DIP2C: variants seen among roughly 807,000 people sequenced by gnomAD.
DIP2C encodes DIP2 acetate--CoA ligase C (putative).
A neutral mutation model predicts 192.4 loss-of-function variants in DIP2C; 33 were observed. That is an observed-to-expected ratio of 0.17 (90% confidence interval 0.13 to 0.23). The LOEUF (loss-of-function observed/expected upper bound fraction) is 0.23, where lower values mean the gene tolerates loss of function less well. DIP2C is among the 10% of genes least tolerant of loss of function. The probability of loss-of-function intolerance (pLI) is 1.00; values close to 1 mark genes in which losing one functional copy is unlikely to be tolerated. For missense variants in DIP2C, 1,537 were observed against 2,110.1 expected (o/e 0.73, Z 5.32); for synonymous variants, 979 against 864.1 (o/e 1.13, Z -2.33).
chr10:305,646 C>T (rs1305602334), intron 32 of DIP2C, among the ~76,000 whole-genome samples: 2 of 152,164 alleles, frequency 1.3e-5, no homozygotes, highest in Non-Finnish European at 2.9e-5. Context: ...ATTGCTAAAA[C>T]TGTTCCTTTT....
At chr10:544,404 T>C (rs902784283) in intron 1 of DIP2C, among the ~76,000 whole-genome samples, 21 of 152,270 alleles carry the variant, frequency 1.4e-4, no homozygotes, top group African/African-American at 5.1e-4. Context: ...GATTCTTGCA[T>C]AAGATTTTTT....
intron 29 of DIP2C, among the ~76,000 whole-genome samples, chr10:335,772 TCTTTC>T (rs535014415): frequency 8.5e-5 from 13 of 152,248 alleles, no homozygotes; most frequent in Non-Finnish European, 1.8e-4. Context: ...ATGAAGACTC[TCTTTC>T]CTTTAACTAT....
chr10:611,068 TGGAGGTGGGCCCTGGTG>T (rs1212781616), intron 1 of DIP2C, among the ~76,000 whole-genome samples: 1 of 151,744 alleles, frequency 6.6e-6, no homozygotes, highest in Non-Finnish European at 1.5e-5. Flanking sequence ...CACCCAGTGT[TGGAGGTGGGCCCTGGTG>T]GGAGGTGACT....
At chr10:302,513 T>C (rs1051480402) in intron 32 of DIP2C, among the ~76,000 whole-genome samples, 1 of 152,016 alleles carries the variant, frequency 6.6e-6, no homozygotes, top group Middle Eastern at 3.2e-3. Flanking sequence ...TATGAAACAC[T>C]GAGAAGCTGG....
chr10:551,512 G>C lies in DIP2C; in HGVS notation c.86-64982C>G, dbSNP rs991855951. 3.7e-5 allele frequency among the ~76,000 whole-genome samples: 3 copies of C among 80,566 alleles called. No homozygotes were observed. The African/African-American group carries it at 9.1e-4, about 24-fold the overall frequency. 52.9% of individuals were successfully genotyped at this position (80,566 alleles called of 152,430 possible). A position where few individuals can be genotyped will look rare whatever the true frequency, so the allele number is the denominator to read the frequency against. The stretch of plus-strand genomic sequence containing the variant: ...AGCAGGATCCCAAAAGCCCTTCCTG[G>C]CTCAAGAGGAAGGAGGCCTCGGTGC... On this transcript the variant is annotated intron_variant, in intron 1 of 36. Coordinates refer to ENST00000280886, the MANE Select transcript of DIP2C (RefSeq NM_014974.3).
chr10:306,729 G>A (rs762344638), intron 32 of DIP2C, among the ~76,000 whole-genome samples: 13 of 152,222 alleles, frequency 8.5e-5, no homozygotes, highest in South Asian at 8.3e-4. Context: ...GCCCTGGGCC[G>A]GTGGATCAGA....
At chr10:390,416 A>C in intron 11 of DIP2C, 43 bp from the exon 12 acceptor site, 1 of 1,578,850 alleles carries the variant, frequency 6.3e-7, no homozygotes, top group Non-Finnish European at 8.7e-7. Context: ...TTACTCTGAA[A>C]GTCGGTCTGT....
intron 1 of DIP2C, among the ~76,000 whole-genome samples, chr10:492,143 C>T (rs924969169): frequency 2.6e-5 from 4 of 152,218 alleles, no homozygotes; most frequent in Non-Finnish European, 5.9e-5. Flanking sequence ...GCCCCCGTGT[C>T]GGAGACACTC....
chr10:381,726 A>G (rs2132880841), intron 17 of DIP2C, among the ~76,000 whole-genome samples: 1 of 152,122 alleles, frequency 6.6e-6, no homozygotes, highest in East Asian at 1.9e-4. Context: ...AAAACCACAC[A>G]CTGCTCTGGG....
intron 25 of DIP2C, 112 bp downstream of exon 25, chr10:349,219 T>TCCC: frequency 6.9e-7 from 1 of 1,442,894 alleles, no homozygotes; most frequent in Non-Finnish European, 9.3e-7. Flanking sequence ...CAGTGCAGAC[T>TCCC]CCCAGCCATG....
rs1968825563 is a variant in DIP2C, at chr10:451,310, C to T, written c.269-10314G>A. ...ACCTCAAACCTCAACACTTTGTCTACTTGGAAAGAGGACGTGGGACTGGGA... is the reference window on the plus strand; with the variant it reads ...ACCTCAAACCTCAACACTTTGTCTATTTGGAAAGAGGACGTGGGACTGGGA... On this transcript the variant is annotated intron_variant, in intron 3 of 36. Coordinates refer to ENST00000280886, the MANE Select transcript of DIP2C (RefSeq NM_014974.3). 2.0e-5 allele frequency among the ~76,000 whole-genome samples: 3 copies of T among 152,178 alleles called. No homozygotes were observed. In the South Asian group the frequency reaches 6.2e-4, roughly 32 times the overall value.
intron 1 of DIP2C, among the ~76,000 whole-genome samples, chr10:658,846 A>C (rs1174099085): frequency 4.6e-5 from 7 of 152,244 alleles, no homozygotes; most frequent in Admixed American, 3.3e-4. Flanking sequence ...CCTTTAAAAT[A>C]TCTCTCTCCC....
intron 29 of DIP2C, among the ~76,000 whole-genome samples, chr10:333,725 A>G (rs1957608105): frequency 6.6e-6 from 1 of 152,222 alleles, no homozygotes; most frequent in Non-Finnish European, 1.5e-5. Flanking sequence ...CATTCCCACT[A>G]TCAATGTATG....
At chr10:457,063 C>A (rs1338366962) in intron 3 of DIP2C, among the ~76,000 whole-genome samples, 1 of 152,146 alleles carries the variant, frequency 6.6e-6, no homozygotes, top group African/African-American at 2.4e-5. Flanking sequence ...CCTCCAATTA[C>A]GGCACAATGG....
At chr10:393,791 A>AG (rs1963695096) in intron 10 of DIP2C, among the ~76,000 whole-genome samples, 2 of 133,866 alleles carry the variant, frequency 1.5e-5, no homozygotes, top group East Asian at 2.0e-4. Context: ...AAAAAAAAAA[A>AG]AAAAAGAAAA....
intron 1 of DIP2C, among the ~76,000 whole-genome samples, chr10:550,088 C>T (rs961470240): frequency 6.6e-6 from 1 of 150,766 alleles, no homozygotes; most frequent in African/African-American, 2.4e-5. Context: ...CAGCTTGCTG[C>T]AATCTCTGCC....
intron 1 of DIP2C, among the ~76,000 whole-genome samples, chr10:590,670 A>G (rs182320781): frequency 6.6e-6 from 1 of 152,232 alleles, no homozygotes; most frequent in East Asian, 1.9e-4. Flanking sequence ...ACAACACTAT[A>G]TCTCTACAAG....
rs767786599 is a variant in DIP2C at position 363,905 on chromosome 10, C to T, written c.2477+469G>A. ...ATGACTTCCTCCAGATTGGCAAAAA[C>T]TCAGGAACCGTGGCAACTTATTTCA... is the stretch of plus-strand genomic sequence containing the variant. On this transcript the variant is annotated intron_variant, in intron 20 of 36. Coordinates refer to ENST00000280886, the MANE Select transcript of DIP2C (RefSeq NM_014974.3). The surrounding 1 kb of genome is among the most constrained non-coding windows in gnomAD (Gnocchi z 5.4). 6.6e-6 allele frequency among the ~76,000 whole-genome samples: 1 copy of T among 152,158 alleles called. No homozygotes were observed. Among genetic ancestry groups the T allele is most frequent in the Non-Finnish European group, 1.5e-5 (1 of 68,016 alleles).
intron 29 of DIP2C, among the ~76,000 whole-genome samples, chr10:337,621 T>C (rs1300448536): frequency 2.1e-5 from 3 of 144,412 alleles, no homozygotes; most frequent in African/African-American, 7.8e-5. Flanking sequence ...GGCAGCTGTG[T>C]GTGTGTGCGC....
Sources: allele counts gnomAD v4.1 joint callset (sites outside exome capture counted in the v4.1 genomes callset), GRCh38; gene constraint gnomAD v4.1.1; non-coding constraint Gnocchi (gnomAD v3.1); transcripts MANE v1.5; gene names NCBI Gene and HGNC (gene_info 2026-07-23, HGNC 2026-07-21).